The following ALDH1A2 variants were observed in gnomAD, a reference collection of about 807,000 sequenced individuals.
ALDH1A2 encodes aldehyde dehydrogenase 1 family member A2, also known as retinal dehydrogenase 2.
A neutral mutation model predicts 60.3 loss-of-function variants in ALDH1A2; 27 were observed. That is an observed-to-expected ratio of 0.45 (90% CI 0.33 to 0.62). ALDH1A2 has a LOEUF of 0.62. Ranked by LOEUF, ALDH1A2 falls within the 20% of genes least tolerant of loss-of-function variation. The pLI, the probability that ALDH1A2 is intolerant of heterozygous loss-of-function variation, is 0.02. For synonymous variants in ALDH1A2, 289 were observed against 232.4 expected (o/e 1.24, Z -2.21); for missense variants, 581 against 643.8 (o/e 0.90, Z 1.06).
intron 1 of ALDH1A2, among the ~76,000 whole-genome samples, chr15:58,019,217 C>G (rs1364436896): frequency 6.6e-6 from 1 of 151,920 alleles, no homozygotes; most frequent in Admixed American, 6.6e-5. Flanking sequence ...TTTAAATGCC[C>G]CAAACAAATT....
At position 57,960,239 on chromosome 15, in the gene ALDH1A2, A is replaced by C. The variant is rs34570545; in HGVS notation, c.1484+531T>G. The stretch of plus-strand genomic sequence containing the variant: ...CCATAGACCAAGCACAGTGCTTTGT[A>C]CATATTTATGCTCAATATTTGTTAG... On this transcript the variant is annotated intron_variant, in intron 12 of 12. Transcript: ENST00000249750. Among the ~76,000 whole-genome samples the C allele has an allele frequency of 5.4e-3, 820 of 152,340 alleles. 3 individuals are homozygous for C. The highest frequency in any genetic ancestry group is 0.027 in the Middle Eastern group (8 of 294).
chr15:58,028,138 G>A lies in ALDH1A2; in HGVS notation c.118-13857C>T, dbSNP rs57557175. Reference sequence around the variant, plus strand: ...TTGAAATGAAGGAAAAAATGTTAAGGGCAGCCAGAGAGAAAGGTAAGGTTA... The same window carrying A: ...TTGAAATGAAGGAAAAAATGTTAAGAGCAGCCAGAGAGAAAGGTAAGGTTA... On this transcript the variant is annotated intron_variant, in intron 1 of 12. Transcript: ENST00000249750. 7.5e-3 allele frequency among the ~76,000 whole-genome samples: 1,147 copies of A among 152,220 alleles called. 17 individuals are homozygous for A. Among genetic ancestry groups the A allele is most frequent in the African/African-American group, 0.026 (1,079 of 41,512 alleles).
intron 7 of ALDH1A2, among the ~76,000 whole-genome samples, chr15:57,978,609 TTTCACA>T (rs1894360543): frequency 6.6e-6 from 1 of 152,214 alleles, no homozygotes; most frequent in Non-Finnish European, 1.5e-5. Flanking sequence ...CACAGTCATA[TTTCACA>T]TTATCTCATG....
chr15:57,984,308 C>T (rs1894623837), intron 7 of ALDH1A2, among the ~76,000 whole-genome samples: 1 of 152,126 alleles, frequency 6.6e-6, no homozygotes, highest in Non-Finnish European at 1.5e-5. Flanking sequence ...TCAATGTTGG[C>T]TATTAATATC....
At chr15:58,038,526 A>T (rs949354011) in intron 1 of ALDH1A2, 1 of 151,846 alleles carries the variant, frequency 6.6e-6, no homozygotes, top group Non-Finnish European at 1.5e-5. Flanking sequence ...CTACTGTCCC[A>T]GAATTCCCAT....
intron 1 of ALDH1A2, among the ~76,000 whole-genome samples, chr15:58,016,181 C>A (rs903611984): frequency 1.1e-4 from 17 of 150,562 alleles, no homozygotes; most frequent in Middle Eastern, 6.8e-3. Flanking sequence ...TGATCTGTCA[C>A]CCAGGCTAGA....
chr15:58,010,739 C>A lies in ALDH1A2; in HGVS notation c.403G>T (p.Ala135Ser). Residue 135 changes from alanine (A) to serine (S), a missense_variant, in exon 4 of 13, where the codon GCT becomes TCT. This residue lies in a region of ALDH1A2 where 206 missense variants were observed against 174.1 expected (regional missense o/e 1.18). Transcript: ENST00000249750. ...SLNGGKPFLQ[A>S]FYVDLQGVIK... ...ACGCCCTGCAAATCCACATAAAAAG[C>A]TTGCAGGAATGGTTTGCCACCATTT... The A allele has an allele frequency of 6.2e-7, 1 of 1,613,466 alleles. No individual in the cohort carries two copies. Among genetic ancestry groups the A allele is most frequent in the Admixed American group, 1.7e-5 (1 of 59,976 alleles).
At chr15:57,966,115 T>A (rs1445447950) in intron 7 of ALDH1A2, among the ~76,000 whole-genome samples, 1 of 152,196 alleles carries the variant, frequency 6.6e-6, no homozygotes, top group Non-Finnish European at 1.5e-5. Flanking sequence ...TAAAGACAAC[T>A]GGCAAGAAAA....
intron 1 of ALDH1A2, among the ~76,000 whole-genome samples, chr15:58,064,700 A>G (rs1473149446): frequency 6.6e-6 from 1 of 152,220 alleles, no homozygotes; most frequent in Non-Finnish European, 1.5e-5. Context: ...ATGTTGTAAC[A>G]TTACAATACC....
At chr15:57,989,279 G>A (rs187238120) in intron 7 of ALDH1A2, among the ~76,000 whole-genome samples, 1 of 151,970 alleles carries the variant, frequency 6.6e-6, no homozygotes, top group East Asian at 1.9e-4. Context: ...ATAATTGAAG[G>A]GATTTTTATC....
chr15:57,959,582 G>T (rs1289830201), intron 12 of ALDH1A2, among the ~76,000 whole-genome samples: 1 of 152,112 alleles, frequency 6.6e-6, no homozygotes, highest in Non-Finnish European at 1.5e-5. Context: ...CTGAAGGCTT[G>T]CCAGATATTC....
At chr15:58,029,583 TAAA>T (rs58827440) in intron 1 of ALDH1A2, among the ~76,000 whole-genome samples, 50,886 of 143,122 alleles carry the variant, frequency 0.36, 9,432 homozygotes, top group Non-Finnish European at 0.44. Context: ...AAAAATCCCC[TAAA>T]AAAAAAAAAA....
chr15:58,001,125 A>C (rs1245603797), intron 4 of ALDH1A2, among the ~76,000 whole-genome samples: 7 of 151,588 alleles, frequency 4.6e-5, no homozygotes, highest in Admixed American at 4.6e-4. Flanking sequence ...TACACTCAAA[A>C]CTCTCTGAAA....
chr15:58,009,342 G>C (rs543304453), intron 4 of ALDH1A2, among the ~76,000 whole-genome samples: 4 of 152,000 alleles, frequency 2.6e-5, no homozygotes, highest in African/African-American at 9.6e-5. Flanking sequence ...ACTTGAAAAA[G>C]ACCCTCAGTG....
intron 3 of ALDH1A2, among the ~76,000 whole-genome samples, chr15:58,011,541 T>A (rs1895633047): frequency 6.6e-6 from 1 of 152,210 alleles, no homozygotes; most frequent in Non-Finnish European, 1.5e-5. Flanking sequence ...TGTTACAAGT[T>A]CGACAAATGA....
chr15:58,058,671 A>C (rs1183348824), intron 1 of ALDH1A2, among the ~76,000 whole-genome samples: 1 of 152,148 alleles, frequency 6.6e-6, no homozygotes, highest in Non-Finnish European at 1.5e-5. Context: ...TTCCAGTTTG[A>C]CCTAAACAAA....
chr15:58,036,698 T>C (rs150179056), intron 1 of ALDH1A2: 1 of 151,782 alleles, frequency 6.6e-6, no homozygotes, highest in East Asian at 1.9e-4. Context: ...AGACGTGTAC[T>C]CTGGAGCTTA....
At chr15:57,981,000 C>T (rs373040459) in intron 7 of ALDH1A2, among the ~76,000 whole-genome samples, 16 of 152,198 alleles carry the variant, frequency 1.1e-4, no homozygotes, top group Admixed American at 6.5e-4. Context: ...TCAACTTCTT[C>T]CTGGTTTAGT....
chr15:57,984,257 C>T (rs143727950), intron 7 of ALDH1A2, among the ~76,000 whole-genome samples: 36 of 152,282 alleles, frequency 2.4e-4, no homozygotes, highest in Admixed American at 1.4e-3. Flanking sequence ...ATAATGTATT[C>T]AAAGCATTTA....
Sources: allele counts gnomAD v4.1 joint callset (sites outside exome capture counted in the v4.1 genomes callset), GRCh38; gene constraint gnomAD v4.1.1; regional missense constraint gnomAD v4.1.1; transcripts MANE v1.5; gene names NCBI Gene and HGNC (gene_info 2026-07-23, HGNC 2026-07-21).